The following METTL2B variants were observed in gnomAD, a reference collection of about 807,000 sequenced individuals.
METTL2B encodes the protein methyltransferase 2B, tRNA N3-cytidine, also known as tRNA N(3)-cytidine methyltransferase METTL2B.
Under a neutral mutation model 51.0 loss-of-function variants are expected in METTL2B, and 28 were observed. The ratio of observed to expected loss-of-function variants is 0.55; its 90% CI spans 0.41 to 0.75. METTL2B has a LOEUF of 0.75. METTL2B is among the 30% of genes least tolerant of loss of function. The probability of loss-of-function intolerance (pLI) is 0.00; values close to 1 mark genes in which losing one functional copy is unlikely to be tolerated. For missense variants in METTL2B, 313 were observed against 460.7 expected, an observed-to-expected ratio of 0.68 and a Z score of 2.93; for synonymous variants, 128 against 166.3, an observed-to-expected ratio of 0.77 and a Z score of 1.77.
chr7:128,480,832 G>T (rs1337937748), intron 4 of METTL2B, 136 bp downstream of exon 4: 21 of 1,062,574 alleles, frequency 2.0e-5, no homozygotes, highest in Non-Finnish European at 2.8e-5. Flanking sequence ...TGTGAGACCA[G>T]CCAGGGCAAT....
chr7:128,495,307 C>T (rs1311717034), intron 6 of METTL2B, among the ~76,000 whole-genome samples: 1 of 152,182 alleles, frequency 6.6e-6, no homozygotes. Flanking sequence ...TTCTCTGATG[C>T]TTACAGTGTT....
Position 128,498,073 on chromosome 7 carries a change from A to G in METTL2B, c.847A>G (p.Lys283Glu), listed in dbSNP as rs202185157. 9.2e-5 allele frequency: 149 copies of G among 1,613,890 alleles called. No individual in the cohort carries two copies. The Middle Eastern group carries it at 2.1e-3, about 23-fold the overall frequency. Residue 283 changes from lysine (K) to glutamate (E), a missense_variant, in exon 7 of 9, where the codon AAA (lysine) becomes GAA (glutamate). Coordinates refer to ENST00000262432, the MANE Select transcript of METTL2B (RefSeq NM_018396.3). ...TATCAACAGGCTGAGCAGGCTTCTG[A>G]AACCTGGGGGGATGGTACTTCTGCG... ...KAINRLSRLL[K>E]PGGMVLLRDY...
At chr7:128,490,564 C>A (rs1023946151) in intron 5 of METTL2B, among the ~76,000 whole-genome samples, 5 of 152,140 alleles carry the variant, frequency 3.3e-5, no homozygotes, top group African/African-American at 9.7e-5. Context: ...GGTATCTTAC[C>A]TCTCATTGTC....
chr7:128,499,587 C>T (rs1170491029), intron 7 of METTL2B, among the ~76,000 whole-genome samples: 1 of 123,170 alleles, frequency 8.1e-6, no homozygotes, highest in Non-Finnish European at 1.7e-5. Context: ...GGCACGATCT[C>T]GGCTCACTGC....
At chr7:128,501,364 TC>T in intron 8 of METTL2B, 1 of 985,454 alleles carries the variant, frequency 1.0e-6, no homozygotes, top group Non-Finnish European at 1.2e-6. Context: ...AACTGGCCCA[TC>T]CACAGGCTTC....
chr7:128,490,325 CTTTTTTT>C (rs56261578), intron 5 of METTL2B, among the ~76,000 whole-genome samples: 1 of 131,854 alleles, frequency 7.6e-6, no homozygotes, highest in Non-Finnish European at 1.6e-5. Flanking sequence ...TCAGGCTTCA[CTTTTTTT>C]TTTTTTTTTT....
chr7:128,486,636 C>CAACG (rs1282443886), intron 4 of METTL2B, among the ~76,000 whole-genome samples: 3 of 151,568 alleles, frequency 2.0e-5, no homozygotes, highest in African/African-American at 7.3e-5. Context: ...AAGAAGAAAA[C>CAACG]AACGCTTGCC....
At chr7:128,477,583 G>A (rs1331356128) in intron 2 of METTL2B, among the ~76,000 whole-genome samples, 2 of 151,954 alleles carry the variant, frequency 1.3e-5, no homozygotes, top group Non-Finnish European at 2.9e-5. Flanking sequence ...TTGTTGGGAG[G>A]GGGGCTAATG....
intron 7 of METTL2B, among the ~76,000 whole-genome samples, chr7:128,500,159 G>A (rs78696648): frequency 0.069 from 10,558 of 152,184 alleles, 772 homozygotes; most frequent in East Asian, 0.26. Flanking sequence ...ACTGAGATGA[G>A]GTCAGGGAGG....
At chr7:128,497,047 G>GTT in intron 6 of METTL2B, among the ~76,000 whole-genome samples, 1 of 151,748 alleles carries the variant, frequency 6.6e-6, no homozygotes. Flanking sequence ...CCATTTTTCT[G>GTT]TTTTTTGTTT....
chr7:128,489,540 C>A (rs1044640620), intron 5 of METTL2B, among the ~76,000 whole-genome samples: 3 of 151,698 alleles, frequency 2.0e-5, no homozygotes, highest in African/African-American at 7.3e-5. Context: ...GAGGGTCTTG[C>A]CTTGATATTG....
intron 4 of METTL2B, among the ~76,000 whole-genome samples, chr7:128,484,421 G>A (rs1792662626): frequency 6.6e-6 from 1 of 150,932 alleles, no homozygotes; most frequent in African/African-American, 2.4e-5. Context: ...ATGGGGTTTT[G>A]CCATGTTGCC....
Position 128,500,370 on chromosome 7 carries a change from CA to C in METTL2B, c.917-532del, listed in dbSNP as rs556217584. On this transcript the variant is annotated intron_variant, in intron 7 of 8. Transcript: ENST00000262432. ...GCACGGTGGCTCATGCCTTTAATCC[CA>C]GCACTTTGGGAGGCCAAGGCGGGTG... 7.9e-5 allele frequency among the ~76,000 whole-genome samples: 12 copies of C among 152,220 alleles called. No homozygotes were observed. In the South Asian group the frequency reaches 2.5e-3, roughly 32 times the overall value.
At chr7:128,491,782 G>A (rs1482409023) in intron 5 of METTL2B, among the ~76,000 whole-genome samples, 1 of 149,070 alleles carries the variant, frequency 6.7e-6, no homozygotes, top group African/African-American at 2.5e-5. Flanking sequence ...AAAAAAAAGG[G>A]TCTGTCACAA....
intron 7 of METTL2B, among the ~76,000 whole-genome samples, chr7:128,500,009 G>A (rs1341251216): frequency 1.3e-5 from 2 of 152,130 alleles, no homozygotes; most frequent in Non-Finnish European, 2.9e-5. Context: ...TTTCTGTTGT[G>A]TATTCAGTGA....
At position 128,484,224 on chromosome 7, in the gene METTL2B, T is replaced by TG. The variant is rs1792645228; in HGVS notation, c.608+3528_608+3529insG. The TG allele has an allele frequency of 3.6e-5, 3 of 83,388 alleles. 1 individual carries two copies. Among genetic ancestry groups the TG allele is most frequent in the East Asian group, 8.3e-4 (2 of 2,410 alleles). 5.2% of individuals were successfully genotyped at this position (83,388 alleles called of 1,614,324 possible). ...TACCCTATTGCCTAGATCCTTTTTT[T>TG]TTTTTTTTTTTTTTTTTTTTTGAGA... On this transcript the variant is annotated intron_variant, in intron 4 of 8. Transcript: ENST00000262432.
At chr7:128,492,534 A>C (rs1792852781) in intron 5 of METTL2B, among the ~76,000 whole-genome samples, 1 of 152,130 alleles carries the variant, frequency 6.6e-6, no homozygotes, top group Admixed American at 6.6e-5. Flanking sequence ...CTCCTGCCTC[A>C]GCCTCCCAGG....
Position 128,502,096 on chromosome 7 carries a change from G to A in METTL2B, c.*180G>A. On this transcript the variant is annotated 3_prime_UTR_variant, in exon 9 of 9. Coordinates refer to ENST00000262432, the MANE Select transcript of METTL2B (RefSeq NM_018396.3). ...CAAAATAGCGAGAGACCCTGAATCT[G>A]AAAGTAATGATAAAATAAAAAGAAT... The A allele has an allele frequency of 4.2e-6, 3 of 716,192 alleles. No homozygotes were observed. Among genetic ancestry groups the A allele is most frequent in the Non-Finnish European group, 6.6e-6 (3 of 455,946 alleles). The allele number at this position is 716,192 out of a possible 1,614,324, so 44.4% of individuals were successfully genotyped here.
Position 128,476,865 on chromosome 7 carries a change from C to A in METTL2B, c.100C>A (p.His34Asn). ...GAGCGATCCGGCGCGCGTCTTCCAC[C>A]ACAATGCCTGGTAATCACCCTGCCC... The part of the protein sequence containing the change: ...FLSDPARVFH[H>N]NAWDNVEWSE... Residue 34 changes from histidine (H) to asparagine (N), a missense_variant, in exon 1 of 9, where the codon CAC (histidine) becomes AAC (asparagine). His to Asn is a moderately conservative substitution (Grantham distance 68). Around this residue, in one of 4 missense-constraint regions of METTL2B, gnomAD observed 66 missense variants for 58.2 expected, o/e 1.13. Transcript: ENST00000262432. 1.9e-6 allele frequency: 3 copies of A among 1,614,176 alleles called. No homozygotes were observed. The highest frequency in any genetic ancestry group is 2.5e-6 in the Non-Finnish European group (3 of 1,180,028).
Sources: gnomAD v4.1 joint callset for allele counts (sites outside exome capture counted in the v4.1 genomes callset) on GRCh38, gnomAD v4.1.1 for gene constraint, gnomAD v4.1.1 regional missense constraint, MANE v1.5 for transcripts, NCBI Gene and HGNC (gene_info 2026-07-23, HGNC 2026-07-21) for gene names.